The following ALK variants were observed in gnomAD, a reference collection of about 807,000 sequenced individuals.
ALK encodes ALK tyrosine kinase receptor.
In ALK, 74 loss-of-function variants were observed where a neutral mutation model predicts 163.1. That is an observed-to-expected ratio of 0.45 (90% CI 0.38 to 0.55). The LOEUF is 0.55. Ranked by LOEUF, ALK falls within the 20% of genes least tolerant of loss-of-function variation. The pLI is 0.00. For missense variants in ALK, 2,063 were observed against 2,105.3 expected (o/e 0.98, Z 0.39); for synonymous variants, 960 against 843.2 (o/e 1.14, Z -2.40).
chr2:29,225,237 G>A (rs1244286744), intron 19 of ALK, among the ~76,000 whole-genome samples: 1 of 152,174 alleles, frequency 6.6e-6, no homozygotes, highest in Non-Finnish European at 1.5e-5. Context: ...ACACGGGGCT[G>A]AGGTGCAGAA....
chr2:29,696,216 G>A (rs1160098417), intron 2 of ALK, among the ~76,000 whole-genome samples: 4 of 152,148 alleles, frequency 2.6e-5, no homozygotes, highest in African/African-American at 4.8e-5. Flanking sequence ...AAAAACGGAT[G>A]AGTTCATGTC....
At chr2:29,712,545 G>T (rs1435129081) in intron 2 of ALK, among the ~76,000 whole-genome samples, 1 of 152,092 alleles carries the variant, frequency 6.6e-6, no homozygotes, top group African/African-American at 2.4e-5. Context: ...CTTCCTGCCA[G>T]AGCTATGAAG....
intron 3 of ALK, among the ~76,000 whole-genome samples, chr2:29,583,430 C>G (rs575319964): frequency 6.6e-6 from 1 of 152,088 alleles, no homozygotes; most frequent in Non-Finnish European, 1.5e-5. Flanking sequence ...TCTGTTAATT[C>G]AAGAGAGCTT....
intron 3 of ALK, among the ~76,000 whole-genome samples, chr2:29,661,968 G>A (rs746906216): frequency 9.9e-5 from 15 of 152,012 alleles, no homozygotes; most frequent in Admixed American, 5.2e-4. Flanking sequence ...GCAGGGCAGC[G>A]GTGTCATCTC....
chr2:29,285,928 C>G (rs946090624), intron 9 of ALK, among the ~76,000 whole-genome samples: 1 of 152,118 alleles, frequency 6.6e-6, no homozygotes, highest in Non-Finnish European at 1.5e-5. Context: ...CACACTCACT[C>G]TCTCCCAAAA....
intron 1 of ALK, among the ~76,000 whole-genome samples, chr2:29,872,273 C>A (rs1666595524): frequency 6.6e-6 from 1 of 152,182 alleles, no homozygotes; most frequent in Non-Finnish European, 1.5e-5. Context: ...AGCTGAACTG[C>A]AGAGAGCATG....
At chr2:29,235,856 C>CATTTTT (rs1664359798) in intron 13 of ALK, among the ~76,000 whole-genome samples, 2 of 38,252 alleles carry the variant, frequency 5.2e-5, no homozygotes, top group African/African-American at 1.7e-4. Context: ...CCAGGCTCGA[C>CATTTTT]TTTTTTTTTT....
intron 3 of ALK, among the ~76,000 whole-genome samples, chr2:29,641,941 T>C (rs1676715149): frequency 6.6e-6 from 1 of 152,156 alleles, no homozygotes; most frequent in South Asian, 2.1e-4. Flanking sequence ...CAGGTATACA[T>C]AAGAATGAGC....
At chr2:29,359,066 A>T (rs543451698) in intron 5 of ALK, among the ~76,000 whole-genome samples, 35 of 151,768 alleles carry the variant, frequency 2.3e-4, no homozygotes, top group Non-Finnish European at 3.7e-4. Context: ...ATTGTTAAGA[A>T]GGTAGATCTC....
chr2:29,542,832 G>T (rs1370641616), intron 3 of ALK, among the ~76,000 whole-genome samples: 1 of 152,072 alleles, frequency 6.6e-6, no homozygotes, highest in African/African-American at 2.4e-5. Context: ...GCATTTGCTG[G>T]CCTCTGTCAA....
intron 4 of ALK, among the ~76,000 whole-genome samples, chr2:29,530,037 G>A (rs2148156664): frequency 6.7e-6 from 1 of 149,124 alleles, no homozygotes; most frequent in East Asian, 2.0e-4. Flanking sequence ...TTGTCTTGAA[G>A]GATCAAATAA....
chr2:29,653,442 C>T (rs572703597), intron 3 of ALK, among the ~76,000 whole-genome samples: 37 of 152,278 alleles, frequency 2.4e-4, no homozygotes, highest in African/African-American at 8.4e-4. Flanking sequence ...AAGCTCCTCA[C>T]TGAGAAACTG....
intron 4 of ALK, among the ~76,000 whole-genome samples, chr2:29,434,327 C>A (rs1573350662): frequency 6.6e-6 from 1 of 152,170 alleles, no homozygotes; most frequent in African/African-American, 2.4e-5. Context: ...GAGGATAGTT[C>A]ATTCCTTTTC....
intron 4 of ALK, among the ~76,000 whole-genome samples, chr2:29,449,361 G>C (rs1670766435): frequency 1.3e-5 from 2 of 152,222 alleles, no homozygotes. Context: ...TAAGTGAGTG[G>C]AAGCAGAGAA....
At chr2:29,306,103 G>C (rs1454122696) in intron 8 of ALK, among the ~76,000 whole-genome samples, 1 of 152,124 alleles carries the variant, frequency 6.6e-6, no homozygotes, top group African/African-American at 2.4e-5. Flanking sequence ...CTGGGGGTTG[G>C]GGACCCCTGG....
intron 1 of ALK, among the ~76,000 whole-genome samples, chr2:29,906,182 GA>G (rs1337265959): frequency 6.6e-6 from 1 of 152,036 alleles, no homozygotes; most frequent in African/African-American, 2.4e-5. Context: ...AACCTGTGGT[GA>G]ATGAGGAAAA....
At chr2:29,225,414 C>T (rs2148176180) in intron 19 of ALK, 47 bp downstream of exon 19, 1 of 1,499,414 alleles carries the variant, frequency 6.7e-7, no homozygotes, top group Middle Eastern at 1.9e-4. Flanking sequence ...ACTATTCAGT[C>T]CTGCCTTCCT....
intron 12 of ALK, among the ~76,000 whole-genome samples, chr2:29,249,088 G>T (rs1403910946): frequency 6.6e-6 from 1 of 152,206 alleles, no homozygotes; most frequent in Non-Finnish European, 1.5e-5. Flanking sequence ...TGGGAAAACA[G>T]AGTCTCAAGA....
intron 3 of ALK, among the ~76,000 whole-genome samples, chr2:29,672,360 T>G (rs1198953675): frequency 2.7e-5 from 4 of 147,904 alleles, no homozygotes; most frequent in Non-Finnish European, 5.9e-5. Flanking sequence ...CAGAGTGTGA[T>G]GCTCCCCTTC....
Sources: gnomAD v4.1 joint callset for allele counts (sites outside exome capture counted in the v4.1 genomes callset) on GRCh38, gnomAD v4.1.1 for gene constraint, MANE v1.5 for transcripts, NCBI Gene and HGNC (gene_info 2026-07-23, HGNC 2026-07-21) for gene names.